Variants in TENM2 observed in about 807,000 individuals in gnomAD.
TENM2 encodes teneurin-2.
TENM2 carries 52 observed loss-of-function variants against 245.2 expected under a neutral mutation model. The ratio of observed to expected loss-of-function variants is 0.21; its 90% CI spans 0.17 to 0.27. TENM2 has a LOEUF of 0.27. Among genes scored for constraint, TENM2 ranks in the 10% least tolerant of loss-of-function variants. TENM2 has a pLI of 1.00. For synonymous variants in TENM2, 1,363 were observed against 1,438.9 expected, an observed-to-expected ratio of 0.95 and a Z score of 1.19; for missense variants, 3,046 against 3,666.8, an observed-to-expected ratio of 0.83 and a Z score of 4.37.
the TENM2 span, among the ~76,000 whole-genome samples, chr5:167,207,038 TA>T: frequency 3.7e-3 from 553 of 148,938 alleles, 5 homozygotes; most frequent in African/African-American, 0.011. Context: ...ATTTTAATAT[TA>T]AAAAAAAAAC....
At chr5:167,624,877 A>G (rs1005331440) in intron 2 of TENM2, among the ~76,000 whole-genome samples, 4 of 152,306 alleles carry the variant, frequency 2.6e-5, no homozygotes, top group East Asian at 1.9e-4. Context: ...GTTTATCTGT[A>G]GATATGTAAT....
At chr5:167,205,970 G>C in the TENM2 span, among the ~76,000 whole-genome samples, 2 of 152,072 alleles carry the variant, frequency 1.3e-5, no homozygotes, top group Non-Finnish European at 2.9e-5. Flanking sequence ...TGCTTTTAAG[G>C]GCTCATGTGA....
chr5:168,084,411 C>A (rs1190115767), intron 7 of TENM2, among the ~76,000 whole-genome samples: 1 of 152,174 alleles, frequency 6.6e-6, no homozygotes, highest in African/African-American at 2.4e-5. Flanking sequence ...CACAGCCATG[C>A]CAGCATGTTG....
intron 13 of TENM2, among the ~76,000 whole-genome samples, chr5:168,189,238 A>T (rs980773197): frequency 6.6e-6 from 1 of 152,242 alleles, no homozygotes; most frequent in African/African-American, 2.4e-5. Flanking sequence ...ACTTCGAAGG[A>T]TCACAGACAT....
rs551402786 is a variant in TENM2, at chr5:167,433,677, GTCTT to G, written c.502+58208_502+58211del. Among the ~76,000 whole-genome samples, 757 of 152,092 alleles carry G rather than the reference GTCTT, an allele frequency of 5.0e-3. 3 individuals carry two copies. Among genetic ancestry groups the G allele is most frequent in the Non-Finnish European group, 7.2e-3 (487 of 67,964 alleles). ...TTGGTATCGTCCTATCAAGTATATAGTCTTTCTATTAATCTCCACATTGATCTTT... is the reference window on the plus strand; with the variant it reads ...TTGGTATCGTCCTATCAAGTATATAGTCTATTAATCTCCACATTGATCTTT... On this transcript the variant is annotated intron_variant, in intron 2 of 28. Coordinates refer to ENST00000518659, the Ensembl canonical transcript of TENM2.
At chr5:167,190,501 A>G in the TENM2 span, among the ~76,000 whole-genome samples, 1 of 152,040 alleles carries the variant, frequency 6.6e-6, no homozygotes, top group Non-Finnish European at 1.5e-5. Context: ...AAACCTTTGC[A>G]AAAGTCTTTA....
At chr5:168,231,362 G>A (rs540147742) in intron 25 of TENM2, among the ~76,000 whole-genome samples, 5 of 152,368 alleles carry the variant, frequency 3.3e-5, no homozygotes, top group Admixed American at 2.0e-4. Context: ...ATAGGGAACA[G>A]AGGTGACAGG....
intron 14 of TENM2, among the ~76,000 whole-genome samples, chr5:168,194,097 G>A (rs923743505): frequency 4.4e-4 from 67 of 152,288 alleles, no homozygotes; most frequent in African/African-American, 1.4e-3. Context: ...AAATCGAGCC[G>A]ACTTTGACAA....
the TENM2 span, among the ~76,000 whole-genome samples, chr5:166,997,467 C>T: frequency 5.0e-4 from 76 of 152,270 alleles, no homozygotes; most frequent in African/African-American, 1.8e-3. Flanking sequence ...GACTCCAGAA[C>T]GTTCCTCTTA....
At chr5:167,169,931 G>A in the TENM2 span, among the ~76,000 whole-genome samples, 2 of 152,112 alleles carry the variant, frequency 1.3e-5, no homozygotes, top group Admixed American at 1.3e-4. Flanking sequence ...GACAGATAGG[G>A]CCATCTATCA....
At chr5:167,514,552 G>T (rs897805797) in intron 2 of TENM2, among the ~76,000 whole-genome samples, 3 of 152,164 alleles carry the variant, frequency 2.0e-5, no homozygotes, top group African/African-American at 7.2e-5. Flanking sequence ...CATTAAGTAA[G>T]AATTTGCAAG....
Position 168,236,288 on chromosome 5 carries a change from G to A in TENM2, c.5521-8132G>A, listed in dbSNP as rs74438447. ...AAATATAGCTTATTCCGGTCATCTG[G>A]GCTGAGCCTCCATACCAGACACCCT... On this transcript the variant is annotated intron_variant, in intron 25 of 28. Transcript: ENST00000518659. Among the ~76,000 whole-genome samples, 14 of 152,158 alleles carry A rather than the reference G, an allele frequency of 9.2e-5. No individual in the cohort carries two copies. The East Asian group carries it at 2.7e-3, about 29-fold the overall frequency.
At chr5:167,510,073 C>T (rs1288618600) in intron 2 of TENM2, among the ~76,000 whole-genome samples, 1 of 152,168 alleles carries the variant, frequency 6.6e-6, no homozygotes, top group Admixed American at 6.5e-5. Flanking sequence ...AGATTTGCAT[C>T]GGGAGCCTAG....
At chr5:168,072,764 G>A (rs9313395) in intron 7 of TENM2, among the ~76,000 whole-genome samples, 13,765 of 152,252 alleles carry the variant, frequency 0.09, 722 homozygotes, top group East Asian at 0.18. Flanking sequence ...ATAATGCCCA[G>A]GAAATGGTAA....
At chr5:167,591,767 T>G (rs989546984) in intron 2 of TENM2, among the ~76,000 whole-genome samples, 1 of 152,198 alleles carries the variant, frequency 6.6e-6, no homozygotes, top group African/African-American at 2.4e-5. Context: ...TAACCCTATT[T>G]CTGCATAGAA....
At chr5:167,847,563 T>G (rs1046626132) in intron 2 of TENM2, among the ~76,000 whole-genome samples, 1 of 152,240 alleles carries the variant, frequency 6.6e-6, no homozygotes, top group Non-Finnish European at 1.5e-5. Context: ...ACCCTGTCTG[T>G]CCAAGTCTCC....
chr5:168,257,615 A>ATTTT (rs58911868), intron 27 of TENM2, among the ~76,000 whole-genome samples: 2 of 131,008 alleles, frequency 1.5e-5, no homozygotes, highest in African/African-American at 2.8e-5. Context: ...GCAGCTCCTG[A>ATTTT]TTTTTTTTTT....
intron 2 of TENM2, among the ~76,000 whole-genome samples, chr5:167,682,729 G>A (rs1403905523): frequency 6.6e-6 from 1 of 152,132 alleles, no homozygotes. Flanking sequence ...GCGTGGCTTG[G>A]TTCCCAACAG....
chr5:168,129,576 A>G (rs186995472), intron 12 of TENM2: 7 of 152,284 alleles, frequency 4.6e-5, no homozygotes, highest in Admixed American at 4.6e-4. Flanking sequence ...AGTTATGTTC[A>G]CTGTGGTTTT....
Sources: gnomAD v4.1 joint callset for allele counts (sites outside exome capture counted in the v4.1 genomes callset) on GRCh38, gnomAD v4.1.1 for gene constraint, MANE v1.5 for transcripts, NCBI Gene and HGNC (gene_info 2026-07-23, HGNC 2026-07-21) for gene names.